Variants in ZFHX3 observed in about 807,000 individuals in gnomAD.
The protein encoded by ZFHX3 is zinc finger homeobox protein 3.
A neutral mutation model predicts 279.1 loss-of-function variants in ZFHX3; 42 were observed. That is an observed-to-expected ratio of 0.15 (90% CI 0.12 to 0.19). The LOEUF is 0.19. Ranked by LOEUF, ZFHX3 falls within the 10% of genes least tolerant of loss-of-function variation. The pLI, the probability that ZFHX3 is intolerant of heterozygous loss-of-function variation, is 1.00. For synonymous variants in ZFHX3, 2,293 were observed against 1,957.8 expected (o/e 1.17, Z -4.52); for missense variants, 4,981 against 4,754.0 (o/e 1.05, Z -1.40).
At chr16:73,043,880 G>A (rs1965202567) in intron 1 of ZFHX3, among the ~76,000 whole-genome samples, 1 of 152,214 alleles carries the variant, frequency 6.6e-6, no homozygotes, top group South Asian at 2.1e-4. Flanking sequence ...AAAGCCCTCT[G>A]ACAGTTGTTG....
chr16:73,111,969 T>C (rs1342566651), intron 7 of ZFHX3, among the ~76,000 whole-genome samples: 6 of 152,034 alleles, frequency 3.9e-5, no homozygotes, highest in Non-Finnish European at 8.8e-5. Context: ...CCACTGACCG[T>C]CCTCTACCAA....
At chr16:73,651,977 T>A (rs907673341) in intron 2 of ZFHX3, among the ~76,000 whole-genome samples, 1 of 152,124 alleles carries the variant, frequency 6.6e-6, no homozygotes, top group Non-Finnish European at 1.5e-5. Context: ...AAAATTAGAA[T>A]TCCATATCCA....
chr16:73,626,738 C>T (rs570674992), intron 2 of ZFHX3, among the ~76,000 whole-genome samples: 1 of 152,208 alleles, frequency 6.6e-6, no homozygotes. Flanking sequence ...CATTATCCCT[C>T]CCATCCCCCA....
chr16:73,106,476 A>G (rs1228940403), intron 7 of ZFHX3, among the ~76,000 whole-genome samples: 1 of 152,122 alleles, frequency 6.6e-6, no homozygotes, highest in Non-Finnish European at 1.5e-5. Flanking sequence ...TTAAAAGGCT[A>G]CAAAGGGCCA....
chr16:73,057,808 G>A (rs1965591791), intron 1 of ZFHX3, among the ~76,000 whole-genome samples: 2 of 150,826 alleles, frequency 1.3e-5, no homozygotes, highest in Non-Finnish European at 3.0e-5. Flanking sequence ...CTCCGAACGG[G>A]CTCCCGCGTC....
At chr16:72,988,432 G>C (rs924498829) in intron 1 of ZFHX3, among the ~76,000 whole-genome samples, 1 of 152,166 alleles carries the variant, frequency 6.6e-6, no homozygotes, top group Non-Finnish European at 1.5e-5. Flanking sequence ...GGCCATCGAG[G>C]GGTCGATATG....
intron 3 of ZFHX3, among the ~76,000 whole-genome samples, chr16:72,943,218 T>C (rs889622140): frequency 2.0e-5 from 3 of 152,122 alleles, no homozygotes; most frequent in Admixed American, 6.5e-5. Flanking sequence ...CTTACAACTA[T>C]ACAAAAAATA....
chr16:73,844,014 G>GA (rs2142372799), intron 1 of ZFHX3, among the ~76,000 whole-genome samples: 1 of 152,212 alleles, frequency 6.6e-6, no homozygotes, highest in Admixed American at 6.5e-5. Flanking sequence ...ACAAAATTAG[G>GA]CAGCGGGCTG....
chr16:73,030,152 C>T (rs189349624), intron 1 of ZFHX3, among the ~76,000 whole-genome samples: 34 of 152,280 alleles, frequency 2.2e-4, no homozygotes, highest in Non-Finnish European at 3.4e-4. Context: ...TCCCCAAGAC[C>T]GGCTACTCTC....
chr16:73,858,628 G>C (rs768620922), intron 1 of ZFHX3, among the ~76,000 whole-genome samples: 1 of 152,186 alleles, frequency 6.6e-6, no homozygotes, highest in Non-Finnish European at 1.5e-5. Context: ...TGACATATGG[G>C]TTAATCTAGC....
intron 1 of ZFHX3, among the ~76,000 whole-genome samples, chr16:72,995,300 G>C (rs1007049665): frequency 2.6e-5 from 4 of 152,070 alleles, no homozygotes; most frequent in African/African-American, 4.8e-5. Context: ...CTCTTCGCCC[G>C]TGCCTCTCCA....
At chr16:73,417,565 T>C (rs905388342) in intron 3 of ZFHX3, among the ~76,000 whole-genome samples, 3 of 151,738 alleles carry the variant, frequency 2.0e-5, no homozygotes, top group Non-Finnish European at 2.9e-5. Context: ...ACCACAGTTA[T>C]CTAGGATTTT....
Position 73,605,122 on chromosome 16 carries a change from G to C in ZFHX3, c.-1547+75058C>G, listed in dbSNP as rs183624265. Among the ~76,000 whole-genome samples the C allele has an allele frequency of 4.2e-4, 64 of 152,196 alleles. No individual in the cohort carries two copies. The East Asian group carries it at 0.011, about 26-fold the overall frequency. On this transcript the variant is annotated intron_variant, in intron 2 of 17. Transcript: ENST00000641206. Reference sequence around the variant, plus strand: ...TAAAAAAGGAATGATTTAGGCCTGAGAGTTTCATCCTAAGAAACATCTACC... The same window carrying C: ...TAAAAAAGGAATGATTTAGGCCTGACAGTTTCATCCTAAGAAACATCTACC...
At chr16:73,784,328 T>C (rs1419518474) in intron 1 of ZFHX3, among the ~76,000 whole-genome samples, 1 of 152,146 alleles carries the variant, frequency 6.6e-6, no homozygotes, top group Non-Finnish European at 1.5e-5. Flanking sequence ...GTGCTTAACA[T>C]GCTTAACATA....
chr16:73,496,402 G>T (rs552701049), intron 2 of ZFHX3, among the ~76,000 whole-genome samples: 1 of 152,174 alleles, frequency 6.6e-6, no homozygotes, highest in Non-Finnish European at 1.5e-5. Context: ...ATGGTGGTGC[G>T]TGCCTGTAAT....
chr16:73,834,696 T>A (rs1046262153), intron 1 of ZFHX3, among the ~76,000 whole-genome samples: 1 of 152,084 alleles, frequency 6.6e-6, no homozygotes, highest in African/African-American at 2.4e-5. Flanking sequence ...ATCAAGACCA[T>A]CCTGGCCAAC....
At chr16:73,637,904 G>A (rs1485264901) in intron 2 of ZFHX3, among the ~76,000 whole-genome samples, 2 of 152,066 alleles carry the variant, frequency 1.3e-5, no homozygotes, top group African/African-American at 2.4e-5. Context: ...TTAATAAAAG[G>A]GTCAGAAAAT....
intron 7 of ZFHX3, among the ~76,000 whole-genome samples, chr16:73,123,957 A>G (rs1452651804): frequency 2.0e-5 from 3 of 152,166 alleles, no homozygotes; most frequent in African/African-American, 7.2e-5. Flanking sequence ...TAAAACTGTG[A>G]GAAATACATT....
chr16:73,885,814 T>C (rs1426284876), intron 1 of ZFHX3, among the ~76,000 whole-genome samples: 62 of 152,182 alleles, frequency 4.1e-4, no homozygotes, highest in Non-Finnish European at 2.9e-5. Context: ...TCCCCTTCAC[T>C]GCCCTGTTAA....
Sources: allele counts gnomAD v4.1 joint callset (sites outside exome capture counted in the v4.1 genomes callset), GRCh38; gene constraint gnomAD v4.1.1; transcripts MANE v1.5; gene names NCBI Gene and HGNC (gene_info 2026-07-23, HGNC 2026-07-21).